Variants in KANK4 observed in about 807,000 individuals in gnomAD.
The protein encoded by KANK4 is KN motif and ankyrin repeat domain-containing protein 4.
KANK4 carries 50 observed loss-of-function variants against 80.8 expected under a neutral mutation model. The observed-to-expected ratio is 0.62, with a 90% CI of 0.49 to 0.78. KANK4 has a LOEUF of 0.78. Ranked by LOEUF, KANK4 falls within the 30% of genes least tolerant of loss-of-function variation. The pLI is 0.00. For missense variants in KANK4, 1,196 were observed against 1,240.1 expected, an observed-to-expected ratio of 0.96 and a Z score of 0.53; for synonymous variants, 465 against 506.9, an observed-to-expected ratio of 0.92 and a Z score of 1.11.
intron 1 of KANK4, among the ~76,000 whole-genome samples, chr1:62,304,072 C>T (rs1363007884): frequency 2.0e-5 from 3 of 151,792 alleles, no homozygotes; most frequent in Admixed American, 6.6e-5. Context: ...ACAGGGTTTC[C>T]GCATGTTGGC....
intron 2 of KANK4, 101 bp downstream of exon 2, chr1:62,281,448 C>G: frequency 7.1e-7 from 1 of 1,403,068 alleles, no homozygotes; most frequent in Non-Finnish European, 1.0e-6. Context: ...AGGGATATCT[C>G]CTGCAGGCCT....
At chr1:62,286,925 AC>A (rs1394251158) in intron 1 of KANK4, among the ~76,000 whole-genome samples, 2 of 151,894 alleles carry the variant, frequency 1.3e-5, no homozygotes, top group Non-Finnish European at 2.9e-5. Flanking sequence ...ACCAAAACAC[AC>A]CCAGTTCTGG....
At position 62,253,175 on chromosome 1, in the gene KANK4, GC is replaced by G. The variant is rs755712183; in HGVS notation, c.2573del (p.Gly858AlafsTer5). The G allele has an allele frequency of 2.5e-6, 4 of 1,612,682 alleles. No homozygotes were observed. Among genetic ancestry groups the G allele is most frequent in the Non-Finnish European group, 3.4e-6 (4 of 1,179,720 alleles). ...AGGGAGTGATCATTACGGCAGTGTA[GC>G]CAGCTTTGTTCTGATGGTCCACATT... ...VCNVDHQNKA[G>X]YTAVMITPLA... On this transcript the variant is annotated frameshift_variant, in exon 8 of 10. Coordinates refer to ENST00000371153, the MANE Select transcript of KANK4 (RefSeq NM_181712.5). LOFTEE classifies it high-confidence loss of function.
At chr1:62,313,725 G>T (rs905500860) in intron 1 of KANK4, among the ~76,000 whole-genome samples, 2 of 152,080 alleles carry the variant, frequency 1.3e-5, no homozygotes, top group African/African-American at 4.8e-5. Context: ...GGGAGGGAGA[G>T]CATTAGGACA....
rs1452990112 is a variant in KANK4 at position 62,236,495 on chromosome 1, A to G, written c.*1782T>C. On this transcript the variant is annotated 3_prime_UTR_variant, in exon 10 of 10. Transcript: ENST00000371153. ...CCTCTGAGTTGCATCAACACATGTC[A>G]TTGTGTTCTGGGACTCTGAGCCTCT... Among the ~76,000 whole-genome samples the G allele has an allele frequency of 6.6e-6, 1 of 151,718 alleles. No homozygotes were observed. The highest frequency in any genetic ancestry group is 1.5e-5 in the Non-Finnish European group (1 of 67,980).
At chr1:62,251,259 T>C (rs574798119) in intron 8 of KANK4, among the ~76,000 whole-genome samples, 1 of 152,328 alleles carries the variant, frequency 6.6e-6, no homozygotes, top group Non-Finnish European at 1.5e-5. Flanking sequence ...ATGCTGATAC[T>C]GTGGCTACTG....
At chr1:62,259,743 AAATTAT>A (rs1181864149) in intron 7 of KANK4, among the ~76,000 whole-genome samples, 1 of 147,888 alleles carries the variant, frequency 6.8e-6, no homozygotes, top group Admixed American at 6.8e-5. Flanking sequence ...ATTATTATAT[AAATTAT>A]AATTATAAAG....
chr1:62,248,779 A>C (rs1372998501), intron 8 of KANK4, among the ~76,000 whole-genome samples: 2 of 149,368 alleles, frequency 1.3e-5, no homozygotes, highest in Non-Finnish European at 3.0e-5. Flanking sequence ...TCCTGACCTC[A>C]GGTGATCCGC....
chr1:62,247,538 A>T lies in KANK4; in HGVS notation c.2817T>A (p.His939Gln). The T allele has an allele frequency of 6.2e-7, 1 of 1,614,000 alleles. No individual in the cohort carries two copies. Residue 939 changes from histidine to glutamine, a missense_variant, in exon 9 of 10, where the codon CAT (histidine) becomes CAA (glutamine). Transcript: ENST00000371153. ...GCAGCCGCACCAGGTCCACGTTGCC[A>T]TGGTGACAGGCCACCATGAGGGCCG... is the stretch of plus-strand genomic sequence containing the variant. ...GSSALMVACH[H>Q]GNVDLVRLLL...
intron 1 of KANK4, among the ~76,000 whole-genome samples, chr1:62,301,673 A>C (rs1239291010): frequency 6.6e-6 from 1 of 151,984 alleles, no homozygotes; most frequent in Non-Finnish European, 1.5e-5. Flanking sequence ...CTGCCAGCCC[A>C]GCGTCCAAAT....
chr1:62,314,252 G>A lies in KANK4; in HGVS notation c.-71+4854C>T, dbSNP rs533904339. Among the ~76,000 whole-genome samples the A allele has an allele frequency of 3.3e-3, 502 of 152,276 alleles. 5 individuals are homozygous for A. The highest frequency in any genetic ancestry group is 0.011 in the South Asian group (55 of 4,822). On this transcript the variant is annotated intron_variant, in intron 1 of 9. Transcript: ENST00000371153. ...TGGTCTCGAACTCCTGACCTCAGGT[G>A]ATTGGCCTGCCTCAGCCTCCCAAAG...
intron 1 of KANK4, among the ~76,000 whole-genome samples, chr1:62,297,449 T>C (rs909750231): frequency 6.6e-6 from 1 of 152,184 alleles, no homozygotes; most frequent in Non-Finnish European, 1.5e-5. Context: ...GGAATTCAAA[T>C]TGAGGTTTGT....
intron 8 of KANK4, among the ~76,000 whole-genome samples, chr1:62,249,894 C>T (rs1671571334): frequency 6.6e-6 from 1 of 151,890 alleles, no homozygotes; most frequent in South Asian, 2.1e-4. Context: ...GCGATGTTGC[C>T]CAGGCTGATC....
chr1:62,263,021 GA>G, intron 7 of KANK4, 70 bp downstream of exon 7: 3 of 1,176,602 alleles, frequency 2.5e-6, no homozygotes, highest in Admixed American at 2.1e-5. Context: ...TGAAATTTTT[GA>G]AAAAAATTTT....
rs547007679 is a variant in KANK4 at position 62,303,066 on chromosome 1, G to A, written c.-71+16040C>T. Among the ~76,000 whole-genome samples the A allele has an allele frequency of 8.5e-5, 13 of 152,236 alleles. No individual in the cohort carries two copies. The South Asian group carries it at 2.5e-3, about 29-fold the overall frequency. ...ACATGATCTCCATCTTCTCAGGTAGGAAGAGATCAAGAGCTGAGACTGAGG... is the reference window on the plus strand; with the variant it reads ...ACATGATCTCCATCTTCTCAGGTAGAAAGAGATCAAGAGCTGAGACTGAGG... On this transcript the variant is annotated intron_variant, in intron 1 of 9. Transcript: ENST00000371153.
intron 9 of KANK4, 65 bp from the exon 10 acceptor site, chr1:62,238,446 G>A (rs1671259488): frequency 1.4e-6 from 2 of 1,425,860 alleles, no homozygotes; most frequent in Non-Finnish European, 2.0e-6. Flanking sequence ...GGGGGAGAAG[G>A]GCAAGTTGGG....
chr1:62,315,407 C>T (rs1337919924), intron 1 of KANK4, among the ~76,000 whole-genome samples: 3 of 152,174 alleles, frequency 2.0e-5, no homozygotes, highest in Non-Finnish European at 4.4e-5. Flanking sequence ...GATTTCCTTA[C>T]CTACACATTG....
Position 62,311,667 on chromosome 1 carries a change from G to A in KANK4, c.-71+7439C>T, listed in dbSNP as rs546689148. Among the ~76,000 whole-genome samples, 34 of 152,228 alleles carry A rather than the reference G, an allele frequency of 2.2e-4. No homozygotes were observed. In the South Asian group the frequency reaches 5.4e-3, roughly 24 times the overall value. On this transcript the variant is annotated intron_variant, in intron 1 of 9. Coordinates refer to ENST00000371153, the MANE Select transcript of KANK4 (RefSeq NM_181712.5). ...CTTAACCTCTCGGGATCATCATTGC[G>A]CGCTAGGTGGTTGTTCCAGTAGATT...
intron 8 of KANK4, among the ~76,000 whole-genome samples, chr1:62,250,659 G>C (rs903848547): frequency 3.3e-5 from 5 of 152,080 alleles, no homozygotes; most frequent in African/African-American, 1.2e-4. Flanking sequence ...ACAAAGAAGG[G>C]GTTGATTTTG....
Sources: allele counts gnomAD v4.1 joint callset (sites outside exome capture counted in the v4.1 genomes callset), GRCh38; gene constraint gnomAD v4.1.1; transcripts MANE v1.5; gene names NCBI Gene and HGNC (gene_info 2026-07-23, HGNC 2026-07-21).